CASZ1: variants seen among roughly 807,000 people sequenced by gnomAD.
The protein encoded by CASZ1 is castor zinc finger 1.
In CASZ1, 28 loss-of-function variants were observed where a neutral mutation model predicts 135.2. That is an observed-to-expected ratio of 0.21 (90% CI 0.15 to 0.28). The LOEUF (loss-of-function observed/expected upper bound fraction) is 0.28, where lower values mean the gene tolerates loss of function less well. Among genes scored for constraint, CASZ1 ranks in the 10% least tolerant of loss-of-function variants. The probability of loss-of-function intolerance (pLI) is 1.00; values close to 1 mark genes in which losing one functional copy is unlikely to be tolerated. For synonymous variants in CASZ1, 1,068 were observed against 1,073.4 expected (o/e 0.99, Z 0.10); for missense variants, 2,161 against 2,453.3 (o/e 0.88, Z 2.52).
At chr1:10,754,712 A>T (rs888558449) in intron 2 of CASZ1, among the ~76,000 whole-genome samples, 3 of 152,062 alleles carry the variant, frequency 2.0e-5, no homozygotes, top group African/African-American at 7.2e-5. Flanking sequence ...CTGCCTGGAG[A>T]GCAGCACGGC....
intron 12 of CASZ1, 91 bp from the exon 13 acceptor site, chr1:10,650,846 C>CGAGCCCT (rs1415661848): frequency 4.6e-5 from 73 of 1,598,740 alleles, no homozygotes; most frequent in Non-Finnish European, 6.2e-5. Flanking sequence ...GGGCTCCAGC[C>CGAGCCCT]GAGCCCGCTG....
At chr1:10,758,332 T>TCTCC (rs1640298709) in intron 2 of CASZ1, among the ~76,000 whole-genome samples, 2 of 39,472 alleles carry the variant, frequency 5.1e-5, no homozygotes, top group Non-Finnish European at 2.5e-4. Flanking sequence ...CTCTCTCTTT[T>TCTCC]TTTTTTTTTT....
At chr1:10,689,185 C>T (rs1372985101) in intron 4 of CASZ1, among the ~76,000 whole-genome samples, 1 of 152,140 alleles carries the variant, frequency 6.6e-6, no homozygotes, top group African/African-American at 2.4e-5. Context: ...GCTGGGGCTG[C>T]ACCACTGACC....
At chr1:10,656,590 C>T (rs970564707) in intron 8 of CASZ1, 56 bp downstream of exon 8, 15 of 1,345,290 alleles carry the variant, frequency 1.1e-5, no homozygotes, top group Admixed American at 5.9e-5. Context: ...GACTTCTAAG[C>T]GCCTCCATGC....
chr1:10,729,558 G>A (rs1231873214), intron 2 of CASZ1, among the ~76,000 whole-genome samples: 1 of 152,250 alleles, frequency 6.6e-6, no homozygotes. Flanking sequence ...AGAGCCCTGG[G>A]GGGCTTAGGG....
At chr1:10,660,708 AATTT>A (rs1642995115) in intron 5 of CASZ1, 172 bp from the exon 6 acceptor site, 1 of 574,512 alleles carries the variant, frequency 1.7e-6, no homozygotes, top group South Asian at 2.3e-5. Context: ...CTCTTAAATT[AATTT>A]GTTTTAAAAA....
intron 2 of CASZ1, among the ~76,000 whole-genome samples, chr1:10,754,142 A>G (rs1640201851): frequency 6.6e-6 from 1 of 152,182 alleles, no homozygotes; most frequent in Non-Finnish European, 1.5e-5. Context: ...AAATGTCACC[A>G]TCGCAGTGAC....
chr1:10,779,927 T>C (rs1640733426), intron 1 of CASZ1, among the ~76,000 whole-genome samples: 1 of 152,130 alleles, frequency 6.6e-6, no homozygotes, highest in African/African-American at 2.4e-5. Context: ...GTGACCCAGA[T>C]CACCTGGCCC....
chr1:10,645,177 G>A, intron 17 of CASZ1, 89 bp from the exon 18 acceptor site: 1 of 1,120,942 alleles, frequency 8.9e-7, no homozygotes, highest in South Asian at 1.4e-5. Context: ...TGGGCCCTTG[G>A]CACATGTGTT....
chr1:10,646,346 C>T lies in CASZ1; in HGVS notation c.3498-20G>A, dbSNP rs1642363654. 6.2e-7 allele frequency: 1 copy of T among 1,612,738 alleles called. No homozygotes were observed. The highest frequency in any genetic ancestry group is 8.5e-7 in the Non-Finnish European group (1 of 1,179,310). On this transcript the variant is annotated intron_variant, in intron 16 of 20. Transcript: ENST00000377022. The surrounding 1 kb of genome is among the most constrained non-coding windows in gnomAD (Gnocchi z 6.4). ...GGATCGCTGGAAGGAAACCACAGCC[C>T]AGAAGGTCATTGCCATTCTCAAGCC...
At chr1:10,680,588 A>G (rs1156363536) in intron 4 of CASZ1, among the ~76,000 whole-genome samples, 1 of 152,166 alleles carries the variant, frequency 6.6e-6, no homozygotes, top group Non-Finnish European at 1.5e-5. Context: ...CAGAGCGCAA[A>G]GGGTAGGGCA....
Position 10,646,868 on chromosome 1 carries a change from G to A in CASZ1, c.3498-542C>T, listed in dbSNP as rs931053021. 2.0e-5 allele frequency among the ~76,000 whole-genome samples: 3 copies of A among 152,162 alleles called. No individual in the cohort carries two copies. The highest frequency in any genetic ancestry group is 6.5e-5 in the Admixed American group (1 of 15,284). ...GCTGGGCTCCCCAGGATCAACTCGG[G>A]GCCCATGGTGCCCACCCACTCAGAC... On this transcript the variant is annotated intron_variant, in intron 16 of 20. Transcript: ENST00000377022. This position sits in a 1 kb window ranked among gnomAD's most constrained non-coding sequence, Gnocchi z 6.4.
intron 2 of CASZ1, among the ~76,000 whole-genome samples, chr1:10,746,558 G>C (rs963686137): frequency 6.6e-6 from 1 of 152,172 alleles, no homozygotes; most frequent in Non-Finnish European, 1.5e-5. Context: ...CCTGGGTCTG[G>C]CATCAGGGTT....
chr1:10,650,654 G>C, intron 13 of CASZ1, 38 bp downstream of exon 13: 1 of 1,552,610 alleles, frequency 6.4e-7, no homozygotes, highest in Non-Finnish European at 8.9e-7. Context: ...AATTTCTCTG[G>C]GTGGGGGAAC....
intron 20 of CASZ1, among the ~76,000 whole-genome samples, chr1:10,640,704 G>A (rs1642175955): frequency 6.6e-6 from 1 of 152,202 alleles, no homozygotes; most frequent in Admixed American, 6.5e-5. Context: ...CCTGATGGAG[G>A]ACCAGGACTC....
rs141996293 is a variant in CASZ1, at chr1:10,790,615, T to C, written c.-234+5949A>G. Among the ~76,000 whole-genome samples, 25 of 152,372 alleles carry C rather than the reference T, an allele frequency of 1.6e-4. No homozygotes were observed. The East Asian group carries it at 4.8e-3, about 29-fold the overall frequency. On this transcript the variant is annotated intron_variant, in intron 1 of 20. Coordinates refer to ENST00000377022, the MANE Select transcript of CASZ1 (RefSeq NM_001079843.3). ...ATCTCTCTTCTTTATATTTTTATTTTCAATGCCAAAAGCCTAAAGATTCAT... is the reference window on the plus strand; with the variant it reads ...ATCTCTCTTCTTTATATTTTTATTTCCAATGCCAAAAGCCTAAAGATTCAT...
chr1:10,793,351 C>T (rs115198664), intron 1 of CASZ1, among the ~76,000 whole-genome samples: 1 of 152,004 alleles, frequency 6.6e-6, no homozygotes, highest in Admixed American at 6.6e-5. Context: ...TGCCACAAAG[C>T]GTAAGGCTCC....
At chr1:10,656,573 G>T (rs1038106255) in intron 8 of CASZ1, 73 bp downstream of exon 8, 3 of 1,191,196 alleles carry the variant, frequency 2.5e-6, no homozygotes, top group Non-Finnish European at 2.4e-6. Flanking sequence ...TGCCGTCCCC[G>T]CCTGCCGACT....
intron 15 of CASZ1, 50 bp from the exon 16 acceptor site, chr1:10,648,189 T>A: frequency 2.3e-6 from 3 of 1,313,764 alleles, no homozygotes; most frequent in Non-Finnish European, 3.1e-6. Context: ...AAGACAGGTG[T>A]GGAGGGGCAT....
Sources: allele counts gnomAD v4.1 joint callset (sites outside exome capture counted in the v4.1 genomes callset), GRCh38; gene constraint gnomAD v4.1.1; non-coding constraint Gnocchi (gnomAD v3.1); transcripts MANE v1.5; gene names NCBI Gene and HGNC (gene_info 2026-07-23, HGNC 2026-07-21).